Variants in ARHGEF16 observed in about 807,000 individuals in gnomAD.
The protein encoded by ARHGEF16 is Rho guanine exchange factor (GEF) 16.
A neutral mutation model predicts 74.1 loss-of-function variants in ARHGEF16; 59 were observed. The observed-to-expected ratio is 0.80, with a 90% CI of 0.65 to 0.99. The LOEUF (loss-of-function observed/expected upper bound fraction) is 0.99. Among genes scored for constraint, ARHGEF16 ranks in the 50% least tolerant of loss-of-function variants. The probability of loss-of-function intolerance (pLI) is 0.00; values close to 1 mark genes in which losing one functional copy is unlikely to be tolerated. For missense variants in ARHGEF16, 948 were observed against 986.6 expected (o/e 0.96, Z 0.52); for synonymous variants, 415 against 412.6 (o/e 1.01, Z -0.07).
intron 1 of ARHGEF16, among the ~76,000 whole-genome samples, chr1:3,458,327 T>A (rs1186625150): frequency 6.6e-6 from 1 of 152,214 alleles, no homozygotes; most frequent in Non-Finnish European, 1.5e-5. Flanking sequence ...GGGGAGCAGA[T>A]CTGCCACTGG....
chr1:3,469,062 G>C (rs1041617917), intron 5 of ARHGEF16, 126 bp downstream of exon 5: 34 of 1,220,488 alleles, frequency 2.8e-5, no homozygotes, highest in Non-Finnish European at 3.8e-5. Context: ...GCCAGGCCCT[G>C]TCACGCTGAC....
In ARHGEF16 at chr1:3,478,592, C is replaced by T. The variant is rs1340744631; in HGVS notation, c.1794C>T (p.Leu598=). ...ACAGCGAGGGCCGCCAGGAGCAGCT[C>T]CTGCTCTCCTCGGACTCCGCGTAAG... ...LRNSEGRQEQ[L]LLSSDSASDR... is the part of the protein sequence containing the mutation. Residue 598 remains leucine, a synonymous_variant, in exon 12 of 15, where the codon CTC becomes CTT. Coordinates refer to ENST00000378378, the MANE Select transcript of ARHGEF16 (RefSeq NM_014448.4). 6.2e-7 allele frequency: 1 copy of T among 1,611,510 alleles called. No homozygotes were observed. Among genetic ancestry groups the T allele is most frequent in the African/African-American group, 1.3e-5 (1 of 75,046 alleles).
At chr1:3,456,922 C>A (rs998781941) in intron 1 of ARHGEF16, among the ~76,000 whole-genome samples, 1 of 152,216 alleles carries the variant, frequency 6.6e-6, no homozygotes, top group African/African-American at 2.4e-5. Flanking sequence ...TTCCCCGCCC[C>A]CACCGCGCAG....
Position 3,463,167 on chromosome 1 carries a change from G to T in ARHGEF16, c.83G>T (p.Gly28Val). Residue 28 changes from glycine to valine, a missense_variant, in exon 2 of 15, where the codon GGG becomes GTG. Coordinates refer to ENST00000378378, the MANE Select transcript of ARHGEF16 (RefSeq NM_014448.4). The stretch of plus-strand genomic sequence containing the variant: ...CACTCGGAGCTCCGGCTCGATGCCG[G>T]GGGGAACCCAGCCTCCGGGCTCCCA... ...RFHSELRLDAGGNPASGLPMV... is the reference protein window; with the variant it reads ...RFHSELRLDAVGNPASGLPMV... 4 of 1,520,250 alleles carry T rather than the reference G, an allele frequency of 2.6e-6. No homozygotes were observed. The highest frequency in any genetic ancestry group is 3.5e-6 in the Non-Finnish European group (4 of 1,128,694). 94.2% of individuals were successfully genotyped at this position (1,520,250 alleles called of 1,614,324 possible).
At chr1:3,472,962 A>G (rs1008632100) in intron 6 of ARHGEF16, 116 bp from the exon 7 acceptor site, 2 of 1,099,082 alleles carry the variant, frequency 1.8e-6, no homozygotes, top group Non-Finnish European at 2.4e-6. Flanking sequence ...AGCTGAGCTC[A>G]GCTCCTGCCA....
chr1:3,457,903 C>T (rs1225721804), intron 1 of ARHGEF16, among the ~76,000 whole-genome samples: 3 of 152,178 alleles, frequency 2.0e-5, no homozygotes, highest in South Asian at 2.1e-4. Flanking sequence ...CCCCAGGGCT[C>T]AGCCATGGGA....
chr1:3,458,331 C>T (rs1235518048), intron 1 of ARHGEF16, among the ~76,000 whole-genome samples: 3 of 152,230 alleles, frequency 2.0e-5, no homozygotes, highest in Admixed American at 2.0e-4. Flanking sequence ...AGCAGATCTG[C>T]CACTGGCCCA....
Position 3,479,579 on chromosome 1 carries a change from C to G in ARHGEF16, c.1877C>G (p.Ser626Cys). The G allele has an allele frequency of 5.6e-6, 9 of 1,611,946 alleles. No individual in the cohort carries two copies. The highest frequency in any genetic ancestry group is 2.2e-5 in the East Asian group (1 of 44,840). Residue 626 changes from serine to cysteine, a missense_variant, in exon 13 of 15, where the codon TCC becomes TGC. Transcript: ENST00000378378. The part of the protein sequence containing the change: ...THSERQWQGL[S>C]SKGDLPQVEI... ...AGTGAGAGACAGTGGCAGGGCCTCT[C>G]CAGCAAAGGAGGTGAGTGCGGGCTG...
chr1:3,463,112 T>C lies in ARHGEF16; in HGVS notation c.28T>C (p.Leu10=), dbSNP rs1639442099. Residue 10 remains leucine (L), a synonymous_variant, in exon 2 of 15, where the codon TTG becomes CTG. Transcript: ENST00000378378. ...GGCCCAGCGGCACTCAGACAGCTCC[T>C]TGGAGGAGAAGCTCCTGGGACACCG... MAQRHSDSS[L]EEKLLGHRFH... 2 of 1,466,508 alleles carry C rather than the reference T, an allele frequency of 1.4e-6. No individual in the cohort carries two copies. Among genetic ancestry groups the C allele is most frequent in the African/African-American group, 2.8e-5 (2 of 70,296 alleles). 90.8% of individuals were successfully genotyped at this position (1,466,508 alleles called of 1,614,324 possible). A position where few individuals can be genotyped will look rare whatever the true frequency, so the allele number is the denominator to read the frequency against.
chr1:3,458,403 G>C (rs1012562555), intron 1 of ARHGEF16, among the ~76,000 whole-genome samples: 14 of 152,254 alleles, frequency 9.2e-5, no homozygotes, highest in African/African-American at 3.4e-4. Flanking sequence ...AGCATGGCCA[G>C]CTGCTGAAAG....
Position 3,479,870 on chromosome 1 carries a change from A to G in ARHGEF16, c.1947A>G (p.Thr649=). 6.2e-7 allele frequency: 1 copy of G among 1,612,424 alleles called. No individual in the cohort carries two copies. Among genetic ancestry groups the G allele is most frequent in the Non-Finnish European group, 8.5e-7 (1 of 1,179,904 alleles). The change falls in exon 14 of 15, where the codon ACA becomes ACG. Residue 649 remains threonine, a synonymous_variant. Transcript: ENST00000378378. ...AFFAKQADEV[T]LQQADVVLVL... ...TCGCGAAGCAAGCAGACGAGGTCACACTGCAGCAGGCGGACGTGGTCCTGG... is the reference window on the plus strand; with the variant it reads ...TCGCGAAGCAAGCAGACGAGGTCACGCTGCAGCAGGCGGACGTGGTCCTGG...
At position 3,480,489 on chromosome 1, in the gene ARHGEF16, T is replaced by C; in HGVS notation, c.2032T>C (p.Trp678Arg). The change falls in exon 15 of 15, where the codon TGG (tryptophan) becomes CGG (arginine). Residue 678 changes from tryptophan (W) to arginine (R), a missense_variant. Physicochemically the swap from Trp to Arg is moderately radical, Grantham distance 101. Transcript: ENST00000378378. ...GAGGCTCCGGGACGGAGAGACGGGA[T>C]GGTTCCCCGAGGACTTTGCCCGCTT... ...GERLRDGETGWFPEDFARFIT... is the reference protein window; with the variant it reads ...GERLRDGETGRFPEDFARFIT... 1 of 1,612,566 alleles carries C rather than the reference T, an allele frequency of 6.2e-7. No homozygotes were observed.
At chr1:3,458,530 A>G (rs1354989755) in intron 1 of ARHGEF16, among the ~76,000 whole-genome samples, 2 of 152,230 alleles carry the variant, frequency 1.3e-5, no homozygotes, top group Non-Finnish European at 2.9e-5. Flanking sequence ...GACAGGCTTC[A>G]GGATATGGAC....
At chr1:3,476,140 A>G (rs1639867461) in intron 10 of ARHGEF16, 78 bp downstream of exon 10, 2 of 1,439,370 alleles carry the variant, frequency 1.4e-6, no homozygotes, top group Non-Finnish European at 1.9e-6. Context: ...GTGAGGTCAC[A>G]CCCCTGAGCC....
intron 10 of ARHGEF16, among the ~76,000 whole-genome samples, chr1:3,477,590 C>G (rs1041487674): frequency 1.3e-5 from 2 of 151,598 alleles, no homozygotes; most frequent in African/African-American, 4.8e-5. Context: ...CCAGCACTGG[C>G]CTTCGAGTCC....
At chr1:3,478,703 A>G in intron 12 of ARHGEF16, 91 bp downstream of exon 12, 2 of 1,418,866 alleles carry the variant, frequency 1.4e-6, no homozygotes, top group East Asian at 4.9e-5. Context: ...TCGCTGTTGC[A>G]TGGCTGGCTC....
rs1426085847 is a variant in ARHGEF16 at position 3,460,745 on chromosome 1, C to A, written c.-19-2321C>A. ...TCTGGTCAGTGTCATGGACACCAGC[C>A]CCGGGGGAGGCCTGTTGTGTCTGCC... On this transcript the variant is annotated intron_variant, in intron 1 of 14. Transcript: ENST00000378378. Among the ~76,000 whole-genome samples the A allele has an allele frequency of 3.9e-5, 6 of 152,238 alleles. No homozygotes were observed. The East Asian group carries it at 9.7e-4, about 25-fold the overall frequency.
At chr1:3,463,026 A>G (rs1639440162) in intron 1 of ARHGEF16, 40 bp from the exon 2 acceptor site, 1 of 1,376,584 alleles carries the variant, frequency 7.3e-7, no homozygotes, top group Non-Finnish European at 9.7e-7. Flanking sequence ...GGGGCAGGGG[A>G]GAGCAGCCTC....
At chr1:3,469,384 C>G in intron 5 of ARHGEF16, 49 bp from the exon 6 acceptor site, 1 of 1,602,046 alleles carries the variant, frequency 6.2e-7, no homozygotes, top group Non-Finnish European at 8.5e-7. Flanking sequence ...CACCGAGGCA[C>G]GCCCGTGTCC....
Sources: gnomAD v4.1 joint callset for allele counts (sites outside exome capture counted in the v4.1 genomes callset) on GRCh38, gnomAD v4.1.1 for gene constraint, MANE v1.5 for transcripts, NCBI Gene and HGNC (gene_info 2026-07-23, HGNC 2026-07-21) for gene names.